Variants in BACH2 observed in about 807,000 individuals in gnomAD.
The protein encoded by BACH2 is transcription regulator protein BACH2.
A neutral mutation model predicts 61.8 loss-of-function variants in BACH2; 5 were observed. That is an observed-to-expected ratio of 0.08 (90% CI 0.04 to 0.17). The LOEUF (loss-of-function observed/expected upper bound fraction) is 0.17, where lower values mean the gene tolerates loss of function less well. Among genes scored for constraint, BACH2 ranks in the 10% least tolerant of loss-of-function variants. The pLI, the probability that BACH2 is intolerant of heterozygous loss-of-function variation, is 1.00. For synonymous variants in BACH2, 446 were observed against 440.1 expected, an observed-to-expected ratio of 1.01 and a Z score of -0.17; for missense variants, 824 against 1,091.1, an observed-to-expected ratio of 0.76 and a Z score of 3.45.
chr6:89,975,832 G>A (rs2128362008), intron 6 of BACH2, among the ~76,000 whole-genome samples: 1 of 152,302 alleles, frequency 6.6e-6, no homozygotes, highest in African/African-American at 2.4e-5. Context: ...TCTTTCAGAG[G>A]TCCCAATAAA....
At chr6:89,940,253 G>A (rs1230318041) in intron 7 of BACH2, among the ~76,000 whole-genome samples, 2 of 151,958 alleles carry the variant, frequency 1.3e-5, no homozygotes, top group South Asian at 2.1e-4. Flanking sequence ...CAAGTGATCC[G>A]CCCGCCTTGG....
chr6:89,989,342 T>C (rs898179003), intron 6 of BACH2, among the ~76,000 whole-genome samples: 1 of 152,180 alleles, frequency 6.6e-6, no homozygotes, highest in African/African-American at 2.4e-5. Flanking sequence ...ACCACTTGAC[T>C]TTCTGTTTCT....
chr6:90,111,351 C>A lies in BACH2; in HGVS notation c.-161-22242G>T, dbSNP rs565566821. On this transcript the variant is annotated intron_variant, in intron 4 of 8. Transcript: ENST00000257749. ...GTAGAAGCCCTTCTCCACAGAGCAG[C>A]CAGATAATCTTTTAAAAATGTATGT... Among the ~76,000 whole-genome samples, 5 of 152,258 alleles carry A rather than the reference C, an allele frequency of 3.3e-5. No individual in the cohort carries two copies. The East Asian group carries it at 9.6e-4, about 29-fold the overall frequency.
rs1021829091 is a variant in BACH2, at chr6:89,928,498, G to C, written c.*3910C>G. ...TGATGGCAATCATAAAATATTAAAA[G>C]AGAAAATGTGGGTTTAGGCCTCTTG... is the stretch of plus-strand genomic sequence containing the variant. On this transcript the variant is annotated 3_prime_UTR_variant, in exon 9 of 9. Transcript: ENST00000257749. 3 of 152,354 alleles carry C rather than the reference G, an allele frequency of 2.0e-5. No homozygotes were observed. The highest frequency in any genetic ancestry group is 4.4e-5 in the Non-Finnish European group (3 of 68,042). 9.4% of individuals were successfully genotyped at this position (152,354 alleles called of 1,614,324 possible). A position where few individuals can be genotyped will look rare whatever the true frequency, so the allele number is the denominator to read the frequency against.
intron 5 of BACH2, among the ~76,000 whole-genome samples, chr6:90,030,689 T>A (rs377367836): frequency 1.2e-3 from 179 of 151,846 alleles, no homozygotes; most frequent in African/African-American, 3.7e-3. Context: ...CAATAACAGG[T>A]TCTGAAATTG....
At chr6:89,966,012 G>A (rs1378833683) in intron 6 of BACH2, among the ~76,000 whole-genome samples, 1 of 152,172 alleles carries the variant, frequency 6.6e-6, no homozygotes, top group Non-Finnish European at 1.5e-5. Flanking sequence ...TGAGAGAAAA[G>A]TACTAAAAAT....
chr6:89,950,847 C>G lies in BACH2; in HGVS notation c.1259G>C (p.Cys420Ser), dbSNP rs374299780. 42 of 1,613,444 alleles carry G rather than the reference C, an allele frequency of 2.6e-5. No homozygotes were observed. In the African/African-American group the frequency reaches 5.2e-4, roughly 20 times the overall value. ...CCGGTCCAGCTCTCCCTCCTGTTTA[C>G]AGAGAGCCTCCAACCCAGGCCCCCT... Reference protein sequence around the residue: ...PLRGPGLEALCKQEGELDRRS... With the variant: ...PLRGPGLEALSKQEGELDRRS... The change falls in exon 7 of 9, where the codon TGT becomes TCT. Residue 420 changes from cysteine (C) to serine (S), a missense_variant. By Grantham distance (112) the Cys-to-Ser change is moderately radical (BLOSUM62 -1). Transcript: ENST00000257749. The surrounding 1 kb of genome is among the most constrained non-coding windows in gnomAD (Gnocchi z 5.3).
intron 4 of BACH2, among the ~76,000 whole-genome samples, chr6:90,189,766 G>A (rs1008265249): frequency 1.3e-5 from 2 of 152,060 alleles, no homozygotes; most frequent in African/African-American, 4.8e-5. Context: ...TTTATCTGCT[G>A]AGCAATAGGG....
chr6:90,126,026 G>C (rs1029174485), intron 4 of BACH2, among the ~76,000 whole-genome samples: 2 of 152,228 alleles, frequency 1.3e-5, no homozygotes, highest in Non-Finnish European at 2.9e-5. Context: ...ACAGAGGAAA[G>C]CGTGGAGAGA....
intron 5 of BACH2, among the ~76,000 whole-genome samples, chr6:90,011,944 G>A (rs1227088213): frequency 9.1e-6 from 1 of 109,692 alleles, no homozygotes; most frequent in Non-Finnish European, 2.1e-5. Flanking sequence ...GTGTGTGTGT[G>A]TGTGTGTGTG....
At chr6:90,185,869 T>C (rs1582461805) in intron 4 of BACH2, among the ~76,000 whole-genome samples, 1 of 152,242 alleles carries the variant, frequency 6.6e-6, no homozygotes, top group South Asian at 2.1e-4. Context: ...AGACAGAATA[T>C]AATTTTTATG....
Position 90,072,405 on chromosome 6 carries a change from T to C in BACH2, c.-13+16556A>G, listed in dbSNP as rs139469004. Among the ~76,000 whole-genome samples, 428 of 152,326 alleles carry C rather than the reference T, an allele frequency of 2.8e-3. 3 individuals are homozygous for C. Among genetic ancestry groups the C allele is most frequent in the African/African-American group, 9.8e-3 (408 of 41,576 alleles). On this transcript the variant is annotated intron_variant, in intron 5 of 8. Coordinates refer to ENST00000257749, the MANE Select transcript of BACH2 (RefSeq NM_021813.4). ...TGCCCCATTATGAGCTGATCTGTTT[T>C]TCCCTTCAATGCCTCCAGCCAGCAG...
chr6:90,247,018 T>G (rs1263818495), intron 3 of BACH2, among the ~76,000 whole-genome samples: 1 of 151,958 alleles, frequency 6.6e-6, no homozygotes, highest in Non-Finnish European at 1.5e-5. Flanking sequence ...ATTACAAATG[T>G]GAAAAAAAAA....
chr6:90,106,372 C>G (rs1021099011), intron 4 of BACH2, among the ~76,000 whole-genome samples: 1 of 152,188 alleles, frequency 6.6e-6, no homozygotes, highest in African/African-American at 2.4e-5. Flanking sequence ...CCCATAGATT[C>G]TAACATCATA....
intron 7 of BACH2, among the ~76,000 whole-genome samples, chr6:89,940,433 A>G (rs968450227): frequency 6.6e-6 from 1 of 152,192 alleles, no homozygotes; most frequent in Non-Finnish European, 1.5e-5. Context: ...GAGGTGACAC[A>G]GGCTTGCACC....
chr6:90,189,614 CAAAAAAAAAAA>C (rs59022545), intron 4 of BACH2, among the ~76,000 whole-genome samples: 1 of 47,770 alleles, frequency 2.1e-5, no homozygotes, highest in South Asian at 1.0e-3. Context: ...GACTCCGTCT[CAAAAAAAAAAA>C]AAAAAAAAAA....
intron 3 of BACH2, among the ~76,000 whole-genome samples, chr6:90,215,534 C>A (rs1013277001): frequency 6.6e-6 from 1 of 151,982 alleles, no homozygotes; most frequent in African/African-American, 2.4e-5. Flanking sequence ...CAATATAATA[C>A]CTTAGGACTT....
At chr6:90,090,009 GAAAA>G (rs1782096475) in intron 4 of BACH2, among the ~76,000 whole-genome samples, 1 of 152,090 alleles carries the variant, frequency 6.6e-6, no homozygotes, top group Admixed American at 6.6e-5. Flanking sequence ...TTTGATTTCT[GAAAA>G]CTTTTAGATT....
chr6:90,089,894 A>T (rs1782090407), intron 4 of BACH2, among the ~76,000 whole-genome samples: 1 of 152,196 alleles, frequency 6.6e-6, no homozygotes, highest in Non-Finnish European at 1.5e-5. Flanking sequence ...GCACAAAAAT[A>T]GATGCATATT....
Sources: allele counts gnomAD v4.1 joint callset (sites outside exome capture counted in the v4.1 genomes callset), GRCh38; gene constraint gnomAD v4.1.1; non-coding constraint Gnocchi (gnomAD v3.1); transcripts MANE v1.5; gene names NCBI Gene and HGNC (gene_info 2026-07-23, HGNC 2026-07-21).